Variants in GABPA observed in about 807,000 individuals in gnomAD.
The protein encoded by GABPA is GA-binding protein alpha chain.
GABPA carries 4 observed loss-of-function variants against 59.4 expected under a neutral mutation model. That is an observed-to-expected ratio of 0.07 (90% CI 0.03 to 0.15). The LOEUF is 0.15. Among genes scored for constraint, GABPA ranks in the 10% least tolerant of loss-of-function variants. The probability of loss-of-function intolerance (pLI) is 1.00; values close to 1 mark genes in which losing one functional copy is unlikely to be tolerated. For synonymous variants in GABPA, 164 were observed against 183.1 expected (o/e 0.90, Z 0.84); for missense variants, 251 against 543.8 (o/e 0.46, Z 5.36).
In GABPA at chr21:25,745,920, A is replaced by G. The variant is rs1601118874; in HGVS notation, c.222+566A>G. 2.6e-5 allele frequency among the ~76,000 whole-genome samples: 4 copies of G among 152,322 alleles called. No individual in the cohort carries two copies. In the East Asian group the frequency reaches 7.7e-4, roughly 29 times the overall value. On this transcript the variant is annotated intron_variant, in intron 3 of 9. Transcript: ENST00000400075. ...TGTTTTAAAGATAGGTAGTACTTTT[A>G]TGTATGAAAGGTAGCAGCCTAAATA...
intron 4 of GABPA, among the ~76,000 whole-genome samples, chr21:25,749,431 AAGGAAGCTGCTGCCCTGCCAT>A (rs2035451377): frequency 3.3e-5 from 5 of 152,200 alleles, no homozygotes; most frequent in African/African-American, 1.2e-4. Context: ...CTGGACTGCT[AAGGAAGCTGCTGCCCTGCCAT>A]GATCTGGAAA....
At chr21:25,752,496 TGAAAA>T (rs1488169210) in intron 5 of GABPA, 4 of 412,516 alleles carry the variant, frequency 9.7e-6, no homozygotes, top group African/African-American at 2.0e-5. Context: ...AGAAGATAGA[TGAAAA>T]GAGATGATTG....
At chr21:25,767,350 T>C (rs1372167194) in intron 9 of GABPA, among the ~76,000 whole-genome samples, 1 of 151,824 alleles carries the variant, frequency 6.6e-6, no homozygotes, top group Non-Finnish European at 1.5e-5. Flanking sequence ...AATTAAAAAG[T>C]TTAAAAAAAT....
At chr21:25,741,543 T>A in intron 1 of GABPA, 30 bp from the exon 2 acceptor site, 1 of 1,285,858 alleles carries the variant, frequency 7.8e-7, no homozygotes, top group Non-Finnish European at 1.1e-6. Flanking sequence ...GTGGATAGTT[T>A]TAAAATATCT....
Position 25,745,192 on chromosome 21 carries a change from T to TA in GABPA, c.78-17dup, listed in dbSNP as rs1412315199. 2.5e-6 allele frequency: 4 copies of TA among 1,611,062 alleles called. No individual in the cohort carries two copies. The highest frequency in any genetic ancestry group is 3.4e-5 in the Admixed American group (2 of 59,510). On this transcript the variant is annotated splice_polypyrimidine_tract_variant and intron_variant, in intron 2 of 9. Coordinates refer to ENST00000400075, the MANE Select transcript of GABPA (RefSeq NM_002040.4). The stretch of plus-strand genomic sequence containing the variant: ...GGTAAAAAATGTAACTGTTAGCACT[T>TA]ACATCTTTAACATTTAGCATTGTAG...
intron 7 of GABPA, among the ~76,000 whole-genome samples, chr21:25,763,969 T>C (rs1008545463): frequency 6.6e-6 from 1 of 152,194 alleles, no homozygotes; most frequent in African/African-American, 2.4e-5. Flanking sequence ...CACTAAGTTA[T>C]TTCCAAACAA....
intron 1 of GABPA, among the ~76,000 whole-genome samples, chr21:25,740,389 CT>C (rs968181170): frequency 6.6e-6 from 1 of 152,134 alleles, no homozygotes; most frequent in Non-Finnish European, 1.5e-5. Flanking sequence ...AGGTACGCCT[CT>C]TTTTAGATGT....
At chr21:25,741,137 T>C (rs2035210762) in intron 1 of GABPA, among the ~76,000 whole-genome samples, 1 of 152,172 alleles carries the variant, frequency 6.6e-6, no homozygotes, top group South Asian at 2.1e-4. Flanking sequence ...GGATTTTCTT[T>C]ATTTTATTTT....
At chr21:25,767,356 A>G (rs2035915544) in intron 9 of GABPA, among the ~76,000 whole-genome samples, 1 of 151,998 alleles carries the variant, frequency 6.6e-6, no homozygotes, top group Admixed American at 6.6e-5. Flanking sequence ...AAAGTTTAAA[A>G]AAATACAAGT....
chr21:25,736,522 T>C (rs545815608), intron 1 of GABPA, among the ~76,000 whole-genome samples: 1 of 152,300 alleles, frequency 6.6e-6, no homozygotes, highest in South Asian at 2.1e-4. Context: ...ACAGTGACGC[T>C]GAGTGGACTT....
intron 6 of GABPA, among the ~76,000 whole-genome samples, chr21:25,758,960 CTT>C: frequency 6.6e-6 from 1 of 152,070 alleles, no homozygotes; most frequent in Non-Finnish European, 1.5e-5. Flanking sequence ...GTCCTACCTA[CTT>C]GGGAGGTTGA....
chr21:25,760,701 G>T (rs541612538), intron 6 of GABPA, among the ~76,000 whole-genome samples: 1 of 152,188 alleles, frequency 6.6e-6, no homozygotes, highest in African/African-American at 2.4e-5. Context: ...TATTCCTGTA[G>T]TGTCTAATGT....
At chr21:25,745,107 A>G in intron 2 of GABPA, 103 bp from the exon 3 acceptor site, 1 of 1,285,456 alleles carries the variant, frequency 7.8e-7, no homozygotes, top group Non-Finnish European at 1.1e-6. Context: ...CTTTTCAAAG[A>G]CCAGAAATGT....
At chr21:25,765,188 A>G (rs554792165) in intron 9 of GABPA, among the ~76,000 whole-genome samples, 4 of 152,190 alleles carry the variant, frequency 2.6e-5, no homozygotes, top group South Asian at 2.1e-4. Flanking sequence ...TGGATATCCA[A>G]TCTTTACATT....
At position 25,771,820 on chromosome 21, in the gene GABPA, AC is replaced by A. The variant is rs2036015398; in HGVS notation, c.*2589del. 1 of 152,068 alleles carries A rather than the reference AC, an allele frequency of 6.6e-6. No homozygotes were observed. Among genetic ancestry groups the A allele is most frequent in the Admixed American group, 6.5e-5 (1 of 15,274 alleles). 9.4% of individuals were successfully genotyped at this position (152,068 alleles called of 1,614,324 possible). On this transcript the variant is annotated 3_prime_UTR_variant, in exon 10 of 10. Transcript: ENST00000400075. ...AAGTTTTTATTGAGCCAACTTTCATACATATCTTGCTAGCCTAAAGTCTAAA... is the reference window on the plus strand; with the variant it reads ...AAGTTTTTATTGAGCCAACTTTCATAATATCTTGCTAGCCTAAAGTCTAAA...
At chr21:25,745,804 A>G (rs2035347337) in intron 3 of GABPA, among the ~76,000 whole-genome samples, 1 of 152,190 alleles carries the variant, frequency 6.6e-6, no homozygotes, top group Non-Finnish European at 1.5e-5. Context: ...ATCAACTGAT[A>G]GGTCCTGGAA....
chr21:25,763,060 G>A, intron 7 of GABPA: 1 of 389,416 alleles, frequency 2.6e-6, no homozygotes, highest in South Asian at 2.5e-5. Context: ...TACTGTACTT[G>A]CTAGAAGTAC....
chr21:25,742,320 G>A (rs1024456962), intron 2 of GABPA, among the ~76,000 whole-genome samples: 30 of 152,142 alleles, frequency 2.0e-4, no homozygotes, highest in African/African-American at 6.7e-4. Context: ...ATTGTACTCC[G>A]TGAAGTAGGA....
intron 1 of GABPA, among the ~76,000 whole-genome samples, chr21:25,739,860 C>G (rs917012641): frequency 3.9e-5 from 6 of 152,148 alleles, no homozygotes; most frequent in Non-Finnish European, 5.9e-5. Context: ...TCAAACAGTC[C>G]TCTCTCCTCG....
Sources: allele counts gnomAD v4.1 joint callset (sites outside exome capture counted in the v4.1 genomes callset), GRCh38; gene constraint gnomAD v4.1.1; transcripts MANE v1.5; gene names NCBI Gene and HGNC (gene_info 2026-07-23, HGNC 2026-07-21).